Variants in LRRFIP2 observed in about 807,000 individuals in gnomAD.
LRRFIP2 encodes leucine-rich repeat flightless-interacting protein 2.
Under a neutral mutation model 125.9 loss-of-function variants are expected in LRRFIP2, and 109 were observed. The ratio of observed to expected loss-of-function variants is 0.87; its 90% CI spans 0.74 to 1.01. The LOEUF is 1.01. Ranked by LOEUF, LRRFIP2 falls within the 50% of genes least tolerant of loss-of-function variation. LRRFIP2 has a pLI of 0.00. For synonymous variants in LRRFIP2, 291 were observed against 293.1 expected (o/e 0.99, Z 0.07); for missense variants, 850 against 862.3 (o/e 0.99, Z 0.18).
intron 2 of LRRFIP2, chr3:37,143,780 T>C (rs2095785230): frequency 6.0e-6 from 1 of 167,244 alleles, no homozygotes. Context: ...CACCACATTG[T>C]ATGCATCAGG....
At chr3:37,067,135 G>T (rs1195755487) in intron 21 of LRRFIP2, 4 of 152,176 alleles carry the variant, frequency 2.6e-5, no homozygotes, top group African/African-American at 7.2e-5. Flanking sequence ...CCCATCCCAA[G>T]GGCAGAGGCA....
intron 8 of LRRFIP2, chr3:37,111,733 T>C (rs2094551222): frequency 1.3e-5 from 2 of 152,366 alleles, no homozygotes; most frequent in Admixed American, 1.3e-4. Flanking sequence ...AGGACATCCC[T>C]ACTCCCACCC....
At chr3:37,095,350 T>C (rs550492235) in intron 16 of LRRFIP2, among the ~76,000 whole-genome samples, 1 of 152,328 alleles carries the variant, frequency 6.6e-6, no homozygotes, top group South Asian at 2.1e-4. Flanking sequence ...GTTGAGTTGA[T>C]AAAGGTGAAG....
At chr3:37,090,741 A>G (rs189441081) in intron 18 of LRRFIP2, among the ~76,000 whole-genome samples, 1 of 152,278 alleles carries the variant, frequency 6.6e-6, no homozygotes, top group Non-Finnish European at 1.5e-5. Context: ...GACCATTTAC[A>G]TTTACCTCCA....
At chr3:37,145,778 C>A (rs1259784478) in intron 2 of LRRFIP2, among the ~76,000 whole-genome samples, 1 of 152,132 alleles carries the variant, frequency 6.6e-6, no homozygotes, top group Admixed American at 6.5e-5. Context: ...GATTGAGAAA[C>A]AATCTGGCAT....
intron 24 of LRRFIP2, among the ~76,000 whole-genome samples, chr3:37,062,117 G>A (rs2088915859): frequency 1.3e-5 from 2 of 152,110 alleles, no homozygotes; most frequent in African/African-American, 4.8e-5. Flanking sequence ...TACTGTCCTA[G>A]TAAAATCTAG....
intron 19 of LRRFIP2, among the ~76,000 whole-genome samples, chr3:37,077,023 CA>C (rs760036331): frequency 6.6e-6 from 1 of 152,022 alleles, no homozygotes; most frequent in Non-Finnish European, 1.5e-5. Context: ...AAAATACTAG[CA>C]AAAGTTCAAA....
At chr3:37,102,601 C>T (rs1476485023) in intron 15 of LRRFIP2, among the ~76,000 whole-genome samples, 1 of 149,884 alleles carries the variant, frequency 6.7e-6, no homozygotes, top group Non-Finnish European at 1.5e-5. Context: ...TAGGTTCAAG[C>T]GATATTCCTG....
intron 16 of LRRFIP2, 130 bp downstream of exon 16, chr3:37,096,486 G>A (rs1262230117): frequency 4.7e-6 from 3 of 639,474 alleles, no homozygotes; most frequent in East Asian, 3.3e-5. Context: ...GGAGGGTCAA[G>A]GACAGGAAAT....
intron 18 of LRRFIP2, among the ~76,000 whole-genome samples, chr3:37,087,569 G>A (rs1163232601): frequency 1.3e-5 from 2 of 151,774 alleles, no homozygotes; most frequent in African/African-American, 4.8e-5. Flanking sequence ...TACCCATTTG[G>A]AATTGGTTTT....
intron 1 of LRRFIP2, among the ~76,000 whole-genome samples, chr3:37,173,924 G>A (rs1003727013): frequency 1.3e-5 from 2 of 152,184 alleles, no homozygotes; most frequent in South Asian, 4.1e-4. Flanking sequence ...ACCTAGGAAG[G>A]TTTCCCTTGC....
chr3:37,121,094 C>T (rs2095017987), intron 6 of LRRFIP2, among the ~76,000 whole-genome samples: 1 of 152,146 alleles, frequency 6.6e-6, no homozygotes, highest in Non-Finnish European at 1.5e-5. Context: ...AATAAAATTA[C>T]AATTAATCAT....
chr3:37,173,590 C>T (rs1030085995), intron 1 of LRRFIP2, among the ~76,000 whole-genome samples: 6 of 152,248 alleles, frequency 3.9e-5, no homozygotes, highest in East Asian at 1.9e-4. Context: ...GAAAAAGCTA[C>T]GAAACAGCCT....
chr3:37,169,329 T>A (rs2096553122), intron 1 of LRRFIP2, among the ~76,000 whole-genome samples: 2 of 152,254 alleles, frequency 1.3e-5, no homozygotes, highest in African/African-American at 4.8e-5. Context: ...TTTATTTGAT[T>A]GCAAAGGATG....
At chr3:37,065,402 A>G (rs1275406278) in intron 23 of LRRFIP2, 13 of 357,664 alleles carry the variant, frequency 3.6e-5, no homozygotes, top group Middle Eastern at 2.0e-3. Context: ...GAGGTACAGA[A>G]CCCTGGGGTA....
chr3:37,066,353 A>G, intron 21 of LRRFIP2, 28 bp from the exon 22 acceptor site: 4 of 1,554,596 alleles, frequency 2.6e-6, no homozygotes, highest in Non-Finnish European at 3.6e-6. Context: ...AGCAAGGGAA[A>G]CAATGGCACA....
chr3:37,094,992 T>C, intron 16 of LRRFIP2, 84 bp from the exon 17 acceptor site: 1 of 850,564 alleles, frequency 1.2e-6, no homozygotes, highest in East Asian at 2.5e-5. Context: ...GCAGGGTGGT[T>C]GGGGGAAGAT....
intron 4 of LRRFIP2, 70 bp from the exon 5 acceptor site, chr3:37,121,761 A>G (rs2095054101): frequency 7.4e-6 from 11 of 1,477,382 alleles, no homozygotes; most frequent in Non-Finnish European, 9.4e-6. Flanking sequence ...CAACTGAGCA[A>G]AGAGCAGTCA....
intron 19 of LRRFIP2, among the ~76,000 whole-genome samples, chr3:37,080,256 C>T (rs908302923): frequency 2.0e-5 from 3 of 151,694 alleles, no homozygotes; most frequent in South Asian, 2.1e-4. Context: ...ATTAGCCAGG[C>T]GTGGTGGTCC....
Sources: gnomAD v4.1 joint callset for allele counts (sites outside exome capture counted in the v4.1 genomes callset) on GRCh38, gnomAD v4.1.1 for gene constraint, MANE v1.5 for transcripts, NCBI Gene and HGNC (gene_info 2026-07-23, HGNC 2026-07-21) for gene names.